Variants in NELL1 observed in about 807,000 individuals in gnomAD.
NELL1 encodes the protein protein kinase C-binding protein NELL1.
In NELL1, 76 loss-of-function variants were observed where a neutral mutation model predicts 107.4. That is an observed-to-expected ratio of 0.71 (90% confidence interval 0.59 to 0.86). The LOEUF (loss-of-function observed/expected upper bound fraction) is 0.86, where lower values mean the gene tolerates loss of function less well. NELL1 is among the 40% of genes least tolerant of loss of function. The pLI is 0.00. For synonymous variants in NELL1, 353 were observed against 341.2 expected (o/e 1.03, Z -0.38); for missense variants, 1,024 against 1,005.5 (o/e 1.02, Z -0.25).
At chr11:20,932,843 A>G (rs1315899900) in intron 9 of NELL1, among the ~76,000 whole-genome samples, 1 of 152,226 alleles carries the variant, frequency 6.6e-6, no homozygotes, top group Non-Finnish European at 1.5e-5. Context: ...ATATTATTTC[A>G]CATGAACACT....
chr11:20,845,316 A>G (rs1044401514), intron 3 of NELL1, among the ~76,000 whole-genome samples: 2 of 152,194 alleles, frequency 1.3e-5, no homozygotes, highest in African/African-American at 4.8e-5. Flanking sequence ...GATCTTTAAG[A>G]GATCTGTTTA....
At chr11:21,078,399 T>C (rs1854190614) in intron 12 of NELL1, among the ~76,000 whole-genome samples, 1 of 151,810 alleles carries the variant, frequency 6.6e-6, no homozygotes, top group Admixed American at 6.6e-5. Flanking sequence ...GAAAAGAATA[T>C]CAAAGCCAGT....
intron 2 of NELL1, among the ~76,000 whole-genome samples, chr11:20,706,254 G>T (rs970018331): frequency 6.6e-6 from 1 of 152,054 alleles, no homozygotes; most frequent in African/African-American, 2.4e-5. Flanking sequence ...ATAGCAAAGA[G>T]TTGGAACCAA....
At chr11:21,023,157 A>T (rs1346598146) in intron 12 of NELL1, among the ~76,000 whole-genome samples, 1 of 152,144 alleles carries the variant, frequency 6.6e-6, no homozygotes, top group Non-Finnish European at 1.5e-5. Context: ...GAGATAGAAC[A>T]GTGGGATATT....
At chr11:20,697,334 C>T (rs561234059) in intron 2 of NELL1, among the ~76,000 whole-genome samples, 2 of 150,516 alleles carry the variant, frequency 1.3e-5, no homozygotes, top group African/African-American at 4.9e-5. Context: ...GATGTGTCAT[C>T]GGTGGTTCAT....
At chr11:21,226,638 G>C (rs148930540) in intron 13 of NELL1, among the ~76,000 whole-genome samples, 150 of 152,280 alleles carry the variant, frequency 9.9e-4, no homozygotes, top group Non-Finnish European at 1.8e-3. Flanking sequence ...AGTGAAGGTT[G>C]TGGAAAATAT....
intron 13 of NELL1, among the ~76,000 whole-genome samples, chr11:21,206,133 A>T (rs1857384924): frequency 6.6e-6 from 1 of 152,146 alleles, no homozygotes; most frequent in African/African-American, 2.4e-5. Context: ...TTTCTCTGAC[A>T]ATTTTGGAGA....
At chr11:20,946,002 T>A (rs1169797310) in intron 10 of NELL1, among the ~76,000 whole-genome samples, 3 of 152,196 alleles carry the variant, frequency 2.0e-5, no homozygotes, top group African/African-American at 7.2e-5. Flanking sequence ...CTGTCTGGAC[T>A]GGAAATTCTG....
In NELL1 at chr11:20,918,193, A is replaced by C. The variant is rs748990027; in HGVS notation, c.615A>C (p.Gln205His). The change falls in exon 6 of 20, where the codon CAA becomes CAC. Residue 205 changes from glutamine (Q) to histidine (H), a missense_variant. Transcript: ENST00000357134. ...CTTCTATTATCAAGGGGATCATCCA[A>C]GATGGGAAGATCATCTTTATGCCGA... ...QKHGLFKGIIQDGKIIFMPNG... is the reference protein window; with the variant it reads ...QKHGLFKGIIHDGKIIFMPNG... 1 of 1,595,102 alleles carries C rather than the reference A, an allele frequency of 6.3e-7. No individual in the cohort carries two copies. The highest frequency in any genetic ancestry group is 1.1e-5 in the South Asian group (1 of 90,594).
At chr11:21,012,412 A>G (rs1006749305) in intron 12 of NELL1, among the ~76,000 whole-genome samples, 3 of 152,086 alleles carry the variant, frequency 2.0e-5, no homozygotes, top group Non-Finnish European at 4.4e-5. Context: ...TAGGGTCATC[A>G]GAAACCTGCT....
intron 12 of NELL1, among the ~76,000 whole-genome samples, chr11:21,061,885 G>C (rs1322606338): frequency 6.6e-6 from 1 of 152,148 alleles, no homozygotes; most frequent in East Asian, 1.9e-4. Context: ...TTTAGGAATG[G>C]TCTGTGTTCT....
intron 2 of NELL1, among the ~76,000 whole-genome samples, chr11:20,754,845 A>G (rs1554367): frequency 0.73 from 111,393 of 152,056 alleles, 42,481 homozygotes; most frequent in Middle Eastern, 0.9. Flanking sequence ...CTCTCTGAAG[A>G]TTTGTCATTT....
At chr11:20,823,120 G>A (rs1330774184) in intron 3 of NELL1, among the ~76,000 whole-genome samples, 1 of 146,126 alleles carries the variant, frequency 6.8e-6, no homozygotes, top group Non-Finnish European at 1.6e-5. Context: ...CTGAGACTGG[G>A]CAATTTACAA....
intron 15 of NELL1, among the ~76,000 whole-genome samples, chr11:21,447,112 G>A (rs1186003794): frequency 6.6e-6 from 1 of 152,070 alleles, no homozygotes; most frequent in Non-Finnish European, 1.5e-5. Context: ...TAAGACCCAA[G>A]GGCTCTTCAG....
Position 21,528,526 on chromosome 11 carries a change from T to A in NELL1, c.1646-5848T>A, listed in dbSNP as rs868783574. ...GCACATACCCACCCCCCCCCCCTTT[T>A]TTTTTTTCCACAATGACTTGAAGCA... On this transcript the variant is annotated intron_variant, in intron 15 of 19. Transcript: ENST00000357134. Among the ~76,000 whole-genome samples, 362 of 110,538 alleles carry A rather than the reference T, an allele frequency of 3.3e-3. 5 individuals are homozygous for A. The highest frequency in any genetic ancestry group is 4.3e-3 in the Admixed American group (43 of 9,892). The allele number at this position is 110,538 out of a possible 152,430, so 72.5% of individuals were successfully genotyped here. A position where few individuals can be genotyped will look rare whatever the true frequency, so the allele number is the denominator to read the frequency against.
intron 2 of NELL1, among the ~76,000 whole-genome samples, chr11:20,720,923 A>G (rs1053706032): frequency 1.3e-5 from 2 of 152,046 alleles, no homozygotes; most frequent in African/African-American, 4.8e-5. Flanking sequence ...TTTTGGGGGG[A>G]CACAGTTCAG....
chr11:20,827,394 C>T lies in NELL1; in HGVS notation c.336-20189C>T, dbSNP rs797014061. ...ATAATTAGGAACTATTTCTCATTGA[C>T]GGTTTTAGCTAGGGATGTACCATAT... is the stretch of plus-strand genomic sequence containing the variant. On this transcript the variant is annotated intron_variant, in intron 3 of 19. Coordinates refer to ENST00000357134, the MANE Select transcript of NELL1 (RefSeq NM_006157.5). Among the ~76,000 whole-genome samples, 23 of 151,364 alleles carry T rather than the reference C, an allele frequency of 1.5e-4. 1 individual carries two copies. Among genetic ancestry groups the T allele is most frequent in the African/African-American group, 3.9e-4 (16 of 41,486 alleles).
chr11:20,961,742 C>A (rs528913006), intron 12 of NELL1, among the ~76,000 whole-genome samples: 90 of 152,098 alleles, frequency 5.9e-4, no homozygotes, highest in African/African-American at 2.1e-3. Context: ...TATGGGAGAG[C>A]CATCTTTTCC....
At chr11:20,913,181 T>G (rs1850170231) in intron 5 of NELL1, among the ~76,000 whole-genome samples, 1 of 152,174 alleles carries the variant, frequency 6.6e-6, no homozygotes, top group Non-Finnish European at 1.5e-5. Flanking sequence ...CCTGCCAGTT[T>G]ATAAACAGAA....
Sources: allele counts gnomAD v4.1 joint callset (sites outside exome capture counted in the v4.1 genomes callset), GRCh38; gene constraint gnomAD v4.1.1; transcripts MANE v1.5; gene names NCBI Gene and HGNC (gene_info 2026-07-23, HGNC 2026-07-21).